SRPK2: variants seen among roughly 807,000 people sequenced by gnomAD.
SRPK2 encodes the protein SFRS protein kinase 2.
Under a neutral mutation model 90.8 loss-of-function variants are expected in SRPK2, and 21 were observed. The ratio of observed to expected loss-of-function variants is 0.23; its 90% CI spans 0.16 to 0.33. The LOEUF is 0.33. SRPK2 is among the 10% of genes least tolerant of loss of function. The pLI is 1.00. For missense variants in SRPK2, 620 were observed against 869.0 expected (o/e 0.71, Z 3.60); for synonymous variants, 288 against 311.1 (o/e 0.93, Z 0.78).
At chr7:105,376,921 A>G (rs1364110642) in intron 2 of SRPK2, among the ~76,000 whole-genome samples, 1 of 148,874 alleles carries the variant, frequency 6.7e-6, no homozygotes, top group Non-Finnish European at 1.5e-5. Context: ...TAAAAAGCTT[A>G]TTCAATAACT....
At chr7:105,306,269 CATAA>C (rs1811132304) in intron 2 of SRPK2, 1 of 231,386 alleles carries the variant, frequency 4.3e-6, no homozygotes, top group Non-Finnish European at 8.7e-6. Flanking sequence ...AAAGACACAC[CATAA>C]TCTTTTCAGT....
At chr7:105,282,618 G>C (rs1807496853) in intron 2 of SRPK2, among the ~76,000 whole-genome samples, 1 of 152,074 alleles carries the variant, frequency 6.6e-6, no homozygotes, top group Admixed American at 6.6e-5. Context: ...GCAAAACCCT[G>C]TCTCTATTAA....
chr7:105,191,836 C>T (rs1794316964), intron 3 of SRPK2, among the ~76,000 whole-genome samples: 1 of 151,292 alleles, frequency 6.6e-6, no homozygotes, highest in South Asian at 2.1e-4. Context: ...CTCTTTAAAA[C>T]CTACACTGGT....
chr7:105,314,073 G>A (rs755890080), intron 2 of SRPK2, among the ~76,000 whole-genome samples: 16 of 152,012 alleles, frequency 1.1e-4, no homozygotes, highest in Non-Finnish European at 1.5e-4. Context: ...AGTTGGGCGT[G>A]GTGGTTCACA....
chr7:105,371,598 A>AC (rs1217308612), intron 2 of SRPK2, among the ~76,000 whole-genome samples: 54 of 151,448 alleles, frequency 3.6e-4, no homozygotes, highest in African/African-American at 9.9e-4. Context: ...AAAAAAAAAA[A>AC]AAAAAACACT....
intron 3 of SRPK2, among the ~76,000 whole-genome samples, chr7:105,200,670 C>T (rs1355534876): frequency 6.6e-6 from 1 of 152,148 alleles, no homozygotes; most frequent in East Asian, 1.9e-4. Context: ...ATAAATCAAA[C>T]CTGTGTACCA....
intron 3 of SRPK2, among the ~76,000 whole-genome samples, chr7:105,171,774 C>CTAT (rs1438191945): frequency 1.3e-5 from 2 of 151,960 alleles, no homozygotes; most frequent in African/African-American, 4.8e-5. Context: ...AATATATGAA[C>CTAT]TAAATGATAG....
chr7:105,287,043 C>T (rs376459346), intron 2 of SRPK2, among the ~76,000 whole-genome samples: 3 of 151,654 alleles, frequency 2.0e-5, no homozygotes, highest in East Asian at 1.9e-4. Flanking sequence ...GGGCGGATCA[C>T]GAGGTCAGGA....
intron 2 of SRPK2, among the ~76,000 whole-genome samples, chr7:105,224,713 C>A (rs1798507939): frequency 6.6e-6 from 1 of 152,228 alleles, no homozygotes; most frequent in African/African-American, 2.4e-5. Context: ...TTCCCCTCAT[C>A]TTCCATTTTA....
chr7:105,191,262 C>T (rs1585117676), intron 3 of SRPK2, among the ~76,000 whole-genome samples: 1 of 152,132 alleles, frequency 6.6e-6, no homozygotes, highest in African/African-American at 2.4e-5. Context: ...AGGGAGACCC[C>T]GTCTCTATCA....
At chr7:105,287,197 C>T (rs373703566) in intron 2 of SRPK2, among the ~76,000 whole-genome samples, 4 of 131,670 alleles carry the variant, frequency 3.0e-5, no homozygotes, top group Admixed American at 8.4e-5. Context: ...GGAGGCGGAG[C>T]TTGCAGTGAG....
intron 2 of SRPK2, among the ~76,000 whole-genome samples, chr7:105,257,897 G>A (rs529168754): frequency 6.6e-6 from 1 of 152,208 alleles, no homozygotes; most frequent in Admixed American, 6.5e-5. Flanking sequence ...AGAGCAAGAG[G>A]TCAGGAGACT....
At chr7:105,374,872 G>A (rs1026062000) in intron 2 of SRPK2, among the ~76,000 whole-genome samples, 15 of 152,250 alleles carry the variant, frequency 9.9e-5, no homozygotes, top group African/African-American at 3.6e-4. Flanking sequence ...CTCCCAAACT[G>A]CTGGAATTAC....
Position 105,161,322 on chromosome 7 carries a change from C to T in SRPK2, c.515-709G>A, listed in dbSNP as rs79497460. On this transcript the variant is annotated intron_variant, in intron 6 of 15. Coordinates refer to ENST00000393651, the MANE Select transcript of SRPK2 (RefSeq NM_182692.3). The stretch of plus-strand genomic sequence containing the variant: ...GTTATACTCTATTTCTTAATTTCTA[C>T]TACTTTTTACTGGTGTTTCCCAAAT... Among the ~76,000 whole-genome samples the T allele has an allele frequency of 3.1e-3, 471 of 152,322 alleles. 14 individuals are homozygous for T. The East Asian group carries it at 0.062, about 20-fold the overall frequency.
intron 3 of SRPK2, among the ~76,000 whole-genome samples, chr7:105,198,811 T>C (rs1795217661): frequency 6.6e-6 from 1 of 152,126 alleles, no homozygotes; most frequent in African/African-American, 2.4e-5. Flanking sequence ...TATCATATCA[T>C]AGATGAAAAA....
rs147044799 is a variant in SRPK2, at chr7:105,209,829, T to C, written c.72-6044A>G. On this transcript the variant is annotated intron_variant, in intron 2 of 15. Coordinates refer to ENST00000393651, the MANE Select transcript of SRPK2 (RefSeq NM_182692.3). ...AGAAAGCAAAATTCCACTAGCTACTTATATTTTTCACAAAGAACTATATTT... is the reference window on the plus strand; with the variant it reads ...AGAAAGCAAAATTCCACTAGCTACTCATATTTTTCACAAAGAACTATATTT... Among the ~76,000 whole-genome samples, 325 of 152,294 alleles carry C rather than the reference T, an allele frequency of 2.1e-3. 1 individual carries two copies. The highest frequency in any genetic ancestry group is 7.5e-3 in the African/African-American group (313 of 41,564).
At chr7:105,128,099 C>G (rs893562051) in intron 13 of SRPK2, among the ~76,000 whole-genome samples, 1 of 152,162 alleles carries the variant, frequency 6.6e-6, no homozygotes, top group Admixed American at 6.5e-5. Context: ...GAGGGGCCAC[C>G]TCTCCTGGCA....
At chr7:105,283,336 T>C (rs1460401363) in intron 2 of SRPK2, among the ~76,000 whole-genome samples, 2 of 152,192 alleles carry the variant, frequency 1.3e-5, no homozygotes, top group East Asian at 3.8e-4. Context: ...CACAAAAACT[T>C]GTACACAAAT....
chr7:105,301,574 AAGG>A, intron 2 of SRPK2: 1 of 1,584,604 alleles, frequency 6.3e-7, no homozygotes, highest in Non-Finnish European at 8.7e-7. Context: ...TCTATTTATG[AAGG>A]AGATGAAAGT....
Sources: gnomAD v4.1 joint callset for allele counts (sites outside exome capture counted in the v4.1 genomes callset) on GRCh38, gnomAD v4.1.1 for gene constraint, MANE v1.5 for transcripts, NCBI Gene and HGNC (gene_info 2026-07-23, HGNC 2026-07-21) for gene names.